Variants in MLIP observed in about 807,000 individuals in gnomAD.
MLIP encodes muscular LMNA interacting protein, also known as muscular LMNA-interacting protein.
A neutral mutation model predicts 84.8 loss-of-function variants in MLIP; 79 were observed. The observed-to-expected ratio is 0.93, with a 90% CI of 0.78 to 1.12. The LOEUF is 1.12. Ranked by LOEUF, MLIP falls within the 50% of genes most tolerant of loss-of-function variation. MLIP has a pLI of 0.00. For synonymous variants in MLIP, 504 were observed against 463.0 expected, an observed-to-expected ratio of 1.09 and a Z score of -1.14; for missense variants, 1,257 against 1,160.6, an observed-to-expected ratio of 1.08 and a Z score of -1.21.
intron 1 of MLIP, among the ~76,000 whole-genome samples, chr6:54,078,287 A>T (rs997605615): frequency 2.0e-5 from 3 of 152,242 alleles, no homozygotes; most frequent in Non-Finnish European, 4.4e-5. Flanking sequence ...GTTTAGAAAC[A>T]TAGGCATAGA....
chr6:54,221,233 C>G (rs1780198785), intron 11 of MLIP, among the ~76,000 whole-genome samples: 1 of 151,916 alleles, frequency 6.6e-6, no homozygotes, highest in East Asian at 1.9e-4. Flanking sequence ...TACCCCAAAC[C>G]CTGGGCACAA....
At chr6:54,063,244 T>C (rs2150335551) in intron 1 of MLIP, 1 of 151,550 alleles carries the variant, frequency 6.6e-6, no homozygotes, top group African/African-American at 2.4e-5. Flanking sequence ...GGAGGTCAAA[T>C]TGTAAGGTCT....
At chr6:54,181,663 C>A (rs774647243) in intron 9 of MLIP, among the ~76,000 whole-genome samples, 53 of 152,120 alleles carry the variant, frequency 3.5e-4, no homozygotes, top group Admixed American at 1.3e-4. Flanking sequence ...GCCTAAGGCC[C>A]ATGGTGTACT....
intron 11 of MLIP, among the ~76,000 whole-genome samples, chr6:54,210,398 C>T (rs1779362980): frequency 6.6e-6 from 1 of 152,156 alleles, no homozygotes; most frequent in African/African-American, 2.4e-5. Context: ...GTTCTTACAC[C>T]AAACTTCCTT....
At chr6:54,059,098 A>C (rs1765818956) in intron 1 of MLIP, 2 of 152,238 alleles carry the variant, frequency 1.3e-5, no homozygotes, top group African/African-American at 4.8e-5. Context: ...GCAAAGAGAT[A>C]GAGGGAGAGA....
intron 3 of MLIP, among the ~76,000 whole-genome samples, chr6:54,128,164 T>A (rs886540429): frequency 3.3e-5 from 5 of 152,040 alleles, no homozygotes; most frequent in Non-Finnish European, 5.9e-5. Context: ...AGGTCTTGGG[T>A]GGGGATGGGA....
rs572790181 is a variant in MLIP, at chr6:54,055,176, G to A, written c.63+36085G>A. On this transcript the variant is annotated intron_variant, in intron 1 of 12. Transcript: ENST00000274897. ...GTTGGGACTACTGGCGTGAGCCACC[G>A]CACCCGGCCTCATCACTATCTTTTT... 3.3e-5 allele frequency among the ~76,000 whole-genome samples: 5 copies of A among 152,206 alleles called. No homozygotes were observed. In the South Asian group the frequency reaches 6.2e-4, roughly 19 times the overall value.
upstream of MLIP, among the ~76,000 whole-genome samples, chr6:54,107,866 A>C (rs1351455265): frequency 6.6e-6 from 1 of 152,342 alleles, no homozygotes; most frequent in South Asian, 2.1e-4. Flanking sequence ...ATCAAGCCTG[A>C]GGCATAAAAA....
Position 54,230,823 on chromosome 6 carries a change from G to C in MLIP, c.2828G>C (p.Cys943Ser), listed in dbSNP as rs747272143. The change falls in exon 12 of 14, where the codon TGT (cysteine) becomes TCT (serine). Residue 943 changes from cysteine to serine, a missense_variant. Transcript: ENST00000502396. ...LHPQTLSHADCLAPGPFSHLS... is the reference protein window; with the variant it reads ...LHPQTLSHADSLAPGPFSHLS... Reference sequence around the variant, plus strand: ...CCACAGACCCTCTCACATGCTGACTGTCTTGCCCCAGGACCCTTCAGTCAT... The same window carrying C: ...CCACAGACCCTCTCACATGCTGACTCTCTTGCCCCAGGACCCTTCAGTCAT... The C allele has an allele frequency of 1.9e-6, 3 of 1,614,004 alleles. No homozygotes were observed. Among genetic ancestry groups the C allele is most frequent in the East Asian group, 2.2e-5 (1 of 44,868 alleles).
chr6:54,265,920 A>G, intron 13 of MLIP, 30 bp from the exon 14 acceptor site: 2 of 1,604,120 alleles, frequency 1.2e-6, no homozygotes, highest in South Asian at 1.1e-5. Flanking sequence ...ATTCATCTTA[A>G]CCTGACTACC....
chr6:54,119,485 G>C (rs567164237), intron 1 of MLIP, among the ~76,000 whole-genome samples: 1 of 152,286 alleles, frequency 6.6e-6, no homozygotes, highest in South Asian at 2.1e-4. Context: ...TTTTTAAAAA[G>C]TTGATCTAAT....
chr6:54,083,726 G>C, intron 1 of MLIP: 1 of 1,285,058 alleles, frequency 7.8e-7, no homozygotes, highest in Non-Finnish European at 1.1e-6. Flanking sequence ...TCGTATTGCA[G>C]TAGTTATGTT....
At chr6:54,061,159 C>T (rs74361017) in intron 1 of MLIP, among the ~76,000 whole-genome samples, 39 of 152,236 alleles carry the variant, frequency 2.6e-4, no homozygotes, top group African/African-American at 8.4e-4. Flanking sequence ...TTTCACCCAT[C>T]TGAGCCATTT....
At chr6:54,224,564 G>A (rs1003634604) in intron 11 of MLIP, among the ~76,000 whole-genome samples, 12 of 151,828 alleles carry the variant, frequency 7.9e-5, no homozygotes, top group Non-Finnish European at 1.8e-4. Flanking sequence ...CATCCTTAGG[G>A]GAATTCTTTT....
At chr6:54,179,325 G>A (rs1046444956) in intron 9 of MLIP, among the ~76,000 whole-genome samples, 1 of 152,068 alleles carries the variant, frequency 6.6e-6, no homozygotes, top group Non-Finnish European at 1.5e-5. Flanking sequence ...TAGGCAACAG[G>A]TGATTGGGTT....
chr6:54,036,330 C>A lies in MLIP; in HGVS notation c.63+17239C>A, dbSNP rs184641235. 5.3e-5 allele frequency among the ~76,000 whole-genome samples: 8 copies of A among 150,892 alleles called. No homozygotes were observed. In the Admixed American group the frequency reaches 5.3e-4, roughly 10 times the overall value. On this transcript the variant is annotated intron_variant, in intron 1 of 12. Transcript: ENST00000274897. ...AAAATCAATGTGCAAAAATCACAAG[C>A]ATTCCTATACACCAATAACAGACAA...
intron 1 of MLIP, among the ~76,000 whole-genome samples, chr6:54,021,676 T>C (rs1011578653): frequency 1.3e-5 from 2 of 152,232 alleles, no homozygotes; most frequent in African/African-American, 4.8e-5. Flanking sequence ...AGTTTATTGC[T>C]GTTTGCTGAT....
At chr6:54,217,961 G>A (rs1779963812) in intron 11 of MLIP, 1 of 985,324 alleles carries the variant, frequency 1.0e-6, no homozygotes, top group South Asian at 4.7e-5. Context: ...TAGGGCACAA[G>A]TTAGACGTGA....
chr6:54,166,382 CCT>C (rs1775191192), intron 8 of MLIP, among the ~76,000 whole-genome samples: 1 of 151,850 alleles, frequency 6.6e-6, no homozygotes, highest in African/African-American at 2.4e-5. Context: ...TCTCCAGTTT[CCT>C]CTTAGATCCC....
Sources: gnomAD v4.1 joint callset for allele counts (sites outside exome capture counted in the v4.1 genomes callset) on GRCh38, gnomAD v4.1.1 for gene constraint, MANE v1.5 for transcripts, NCBI Gene and HGNC (gene_info 2026-07-23, HGNC 2026-07-21) for gene names.